ANK2: variants seen among roughly 807,000 people sequenced by gnomAD.
ANK2 encodes the protein ankyrin 2, also known as ankyrin-2.
ANK2 carries 83 observed loss-of-function variants against 360.5 expected under a neutral mutation model. That is an observed-to-expected ratio of 0.23 (90% CI 0.19 to 0.28). ANK2 has a LOEUF of 0.28. Among genes scored for constraint, ANK2 ranks in the 10% least tolerant of loss-of-function variants. The probability of loss-of-function intolerance (pLI) is 1.00; values close to 1 mark genes in which losing one functional copy is unlikely to be tolerated. For synonymous variants in ANK2, 1,740 were observed against 1,759.5 expected, an observed-to-expected ratio of 0.99 and a Z score of 0.28; for missense variants, 4,201 against 4,795.7, an observed-to-expected ratio of 0.88 and a Z score of 3.66.
intron 1 of ANK2, among the ~76,000 whole-genome samples, chr4:112,898,508 G>A (rs886955151): frequency 4.6e-5 from 7 of 152,032 alleles, no homozygotes; most frequent in African/African-American, 1.2e-4. Context: ...TTTTCATCAC[G>A]TTATATCAAG....
intron 2 of ANK2, among the ~76,000 whole-genome samples, chr4:112,953,588 C>G (rs949650221): frequency 6.6e-6 from 1 of 152,224 alleles, no homozygotes; most frequent in African/African-American, 2.4e-5. Flanking sequence ...AATTGCAGAG[C>G]TTTGCCGTTA....
At chr4:113,068,084 A>G (rs193269659) in intron 1 of ANK2, among the ~76,000 whole-genome samples, 6 of 152,272 alleles carry the variant, frequency 3.9e-5, no homozygotes, top group South Asian at 2.1e-4. Flanking sequence ...ATCTCTCTCT[A>G]TGGCATTTTT....
chr4:112,846,801 GT>G (rs2063423428), intron 1 of ANK2, among the ~76,000 whole-genome samples: 1 of 152,072 alleles, frequency 6.6e-6, no homozygotes, highest in African/African-American at 2.4e-5. Context: ...TAGATGGGTC[GT>G]TTTGCCCATG....
At chr4:113,123,426 T>C (rs1464200715) in intron 1 of ANK2, among the ~76,000 whole-genome samples, 1 of 152,174 alleles carries the variant, frequency 6.6e-6, no homozygotes, top group East Asian at 1.9e-4. Flanking sequence ...TGTTTATATT[T>C]TTCCATTATG....
intron 1 of ANK2, among the ~76,000 whole-genome samples, chr4:113,168,100 A>T (rs2097813913): frequency 6.6e-6 from 1 of 152,190 alleles, no homozygotes; most frequent in Non-Finnish European, 1.5e-5. Flanking sequence ...CTTATTTTTC[A>T]TGGTTGGTAT....
the ANK2 span, among the ~76,000 whole-genome samples, chr4:112,794,415 G>A: frequency 6.6e-6 from 1 of 152,156 alleles, no homozygotes; most frequent in African/African-American, 2.4e-5. Flanking sequence ...AGAGTATGTA[G>A]TTATCTTATT....
At chr4:112,752,983 C>T in the ANK2 span, among the ~76,000 whole-genome samples, 2 of 152,138 alleles carry the variant, frequency 1.3e-5, no homozygotes, top group Non-Finnish European at 1.5e-5. Flanking sequence ...TTCTAAGCAA[C>T]ACCTCCTGGC....
chr4:113,317,541 C>T, intron 24 of ANK2, 166 bp from the exon 25 acceptor site: 2 of 673,340 alleles, frequency 3.0e-6, no homozygotes, highest in East Asian at 2.8e-5. Flanking sequence ...TGTGTTAGTT[C>T]AGCTGTTGGA....
intron 26 of ANK2, among the ~76,000 whole-genome samples, chr4:113,324,811 G>C (rs749023419): frequency 9.9e-5 from 15 of 152,116 alleles, no homozygotes; most frequent in Admixed American, 2.6e-4. Flanking sequence ...TTTTTTTCCT[G>C]TTCTTTCAAC....
chr4:113,336,537 T>C, intron 30 of ANK2, 40 bp from the exon 31 acceptor site: 1 of 1,464,290 alleles, frequency 6.8e-7, no homozygotes, highest in Non-Finnish European at 9.4e-7. Context: ...TTTTAAAATA[T>C]ATACACAAAT....
At chr4:112,777,557 G>T in the ANK2 span, among the ~76,000 whole-genome samples, 1 of 147,340 alleles carries the variant, frequency 6.8e-6, no homozygotes, top group Non-Finnish European at 1.5e-5. Context: ...TTTTTAAAAA[G>T]CCCTGCTAAT....
chr4:112,762,865 G>A, the ANK2 span, among the ~76,000 whole-genome samples: 1 of 152,236 alleles, frequency 6.6e-6, no homozygotes, highest in East Asian at 1.9e-4. Context: ...ATACTTAAAT[G>A]TGGTTCGTGA....
chr4:113,026,080 A>T (rs2059235835), intron 2 of ANK2, among the ~76,000 whole-genome samples: 1 of 152,122 alleles, frequency 6.6e-6, no homozygotes, highest in Non-Finnish European at 1.5e-5. Context: ...TGGTACATTT[A>T]TTTTCCCTCT....
chr4:112,986,214 T>A (rs1194481658), intron 2 of ANK2, among the ~76,000 whole-genome samples: 1 of 151,900 alleles, frequency 6.6e-6, no homozygotes, highest in Non-Finnish European at 1.5e-5. Flanking sequence ...TGATAAATTA[T>A]AGCTTCTATA....
At chr4:113,227,489 A>C (rs772950719) in intron 4 of ANK2, among the ~76,000 whole-genome samples, 1 of 152,188 alleles carries the variant, frequency 6.6e-6, no homozygotes, top group Non-Finnish European at 1.5e-5. Context: ...CAAACTTTTC[A>C]AGGCAATTTA....
chr4:113,248,659 G>A (rs1271179738), intron 9 of ANK2, among the ~76,000 whole-genome samples: 3 of 152,068 alleles, frequency 2.0e-5, no homozygotes, highest in Admixed American at 6.6e-5. Context: ...TTGCGATTCA[G>A]AGGAATTATT....
intron 2 of ANK2, among the ~76,000 whole-genome samples, chr4:113,038,916 G>T (rs1414355125): frequency 6.6e-6 from 1 of 152,004 alleles, no homozygotes; most frequent in African/African-American, 2.4e-5. Context: ...AGCTGCCCCA[G>T]CTGACACCAC....
the ANK2 span, among the ~76,000 whole-genome samples, chr4:112,790,255 T>C: frequency 6.6e-5 from 10 of 152,226 alleles, no homozygotes; most frequent in East Asian, 1.9e-3. Flanking sequence ...CTTCTACTTA[T>C]AAGAAGGAAT....
intron 2 of ANK2, among the ~76,000 whole-genome samples, chr4:113,186,582 CTCTCTT>C (rs2098531012): frequency 1.5e-5 from 1 of 66,958 alleles, no homozygotes. Flanking sequence ...CTCTCTCTCT[CTCTCTT>C]CTCTCTCTCT....
Sources: gnomAD v4.1 joint callset for allele counts (sites outside exome capture counted in the v4.1 genomes callset) on GRCh38, gnomAD v4.1.1 for gene constraint, MANE v1.5 for transcripts, NCBI Gene and HGNC (gene_info 2026-07-23, HGNC 2026-07-21) for gene names.